Variants in TRPV6 observed in about 807,000 individuals in gnomAD.
The protein encoded by TRPV6 is transient receptor potential cation channel subfamily V member 6, also known as Alu-binding protein with zinc finger domain.
Under a neutral mutation model 79.0 loss-of-function variants are expected in TRPV6, and 39 were observed. The ratio of observed to expected loss-of-function variants is 0.49; its 90% CI spans 0.38 to 0.64. The LOEUF is 0.64. Among genes scored for constraint, TRPV6 ranks in the 30% least tolerant of loss-of-function variants. The probability of loss-of-function intolerance (pLI) is 0.00; values close to 1 mark genes in which losing one functional copy is unlikely to be tolerated. For synonymous variants in TRPV6, 373 were observed against 391.9 expected, an observed-to-expected ratio of 0.95 and a Z score of 0.57; for missense variants, 813 against 1,011.1, an observed-to-expected ratio of 0.80 and a Z score of 2.66.
In TRPV6 at chr7:142,872,003, G is replaced by C. The variant is rs1211560831; in HGVS notation, c.2016-14C>G. Reference sequence around the variant, plus strand: ...CTGTCTTCCACCCTGTGGAATGCGGGAGGACTTGAGACACAGCCAGGACTT... The same window carrying C: ...CTGTCTTCCACCCTGTGGAATGCGGCAGGACTTGAGACACAGCCAGGACTT... On this transcript the variant is annotated splice_polypyrimidine_tract_variant and intron_variant, in intron 14 of 14. Coordinates refer to ENST00000359396, the MANE Select transcript of TRPV6 (RefSeq NM_018646.6). 2 of 1,566,562 alleles carry C rather than the reference G, an allele frequency of 1.3e-6. No individual in the cohort carries two copies. Among genetic ancestry groups the C allele is most frequent in the Non-Finnish European group, 1.7e-6 (2 of 1,155,268 alleles).
chr7:142,875,957 G>A (rs1795058451), intron 6 of TRPV6, 53 bp from the exon 7 acceptor site: 3 of 1,528,602 alleles, frequency 2.0e-6, no homozygotes, highest in Non-Finnish European at 2.6e-6. Flanking sequence ...GACGGTCACA[G>A]AGTGTGGATA....
At chr7:142,876,211 T>G in intron 6 of TRPV6, 197 bp downstream of exon 6, 1 of 853,620 alleles carries the variant, frequency 1.2e-6, no homozygotes, top group Non-Finnish European at 1.8e-6. Context: ...CTAGACTCTG[T>G]AACCCCCAAT....
Position 142,875,838 on chromosome 7 carries a change from G to A in TRPV6, c.949C>T (p.Leu317Phe). The change falls in exon 7 of 15, where the codon CTC becomes TTC. Residue 317 changes from leucine (L) to phenylalanine (F), a missense_variant. By Grantham distance (22) the Leu-to-Phe change is conservative (BLOSUM62 0). This residue lies in a region of TRPV6 where 555 missense variants were observed against 631.0 expected (regional missense o/e 0.88). Transcript: ENST00000359396. ...GAGTCGATCTCTGTGAGGTCATAGA[G>A]AGTCGAGGTCAGTGGTCCATACGTC... 6.2e-7 allele frequency: 1 copy of A among 1,611,848 alleles called. No homozygotes were observed. The highest frequency in any genetic ancestry group is 8.5e-7 in the Non-Finnish European group (1 of 1,178,826).
chr7:142,873,762 C>A lies in TRPV6; in HGVS notation c.1640-46G>T, dbSNP rs745459519. On this transcript the variant is annotated intron_variant, in intron 12 of 14. Transcript: ENST00000359396. The surrounding 1 kb of genome is among the most constrained non-coding windows in gnomAD (Gnocchi z 4.8). ...AGGGTTACCATGGCAACCATGCAGACGACCAGCCCACCCCGGGCTCTGCGT... is the reference window on the plus strand; with the variant it reads ...AGGGTTACCATGGCAACCATGCAGAAGACCAGCCCACCCCGGGCTCTGCGT... The A allele has an allele frequency of 2.5e-6, 4 of 1,606,638 alleles. No homozygotes were observed. The highest frequency in any genetic ancestry group is 3.4e-6 in the Non-Finnish European group (4 of 1,174,430).
chr7:142,882,362 C>G lies in TRPV6; in HGVS notation c.248+3027G>C, dbSNP rs974211133. Reference sequence around the variant, plus strand: ...CATGCTTCAGAAAAGGAAACTGAAGCGGCATAACCAAATCATTGCCAGAAG... The same window carrying G: ...CATGCTTCAGAAAAGGAAACTGAAGGGGCATAACCAAATCATTGCCAGAAG... On this transcript the variant is annotated intron_variant, in intron 1 of 14. Transcript: ENST00000359396. 3.3e-5 allele frequency: 5 copies of G among 152,162 alleles called. No homozygotes were observed. The South Asian group carries it at 1.0e-3, about 32-fold the overall frequency. 9.4% of individuals were successfully genotyped at this position (152,162 alleles called of 1,614,324 possible).
intron 3 of TRPV6, 90 bp from the exon 4 acceptor site, chr7:142,877,369 G>T: frequency 5.1e-6 from 8 of 1,561,472 alleles, no homozygotes; most frequent in Non-Finnish European, 7.0e-6. Context: ...TTTCCCTCAG[G>T]GGTAGCCTGG....
At chr7:142,875,287 CA>C in intron 8 of TRPV6, 123 bp from the exon 9 acceptor site, 1 of 1,323,320 alleles carries the variant, frequency 7.6e-7, no homozygotes, top group Non-Finnish European at 1.1e-6. Flanking sequence ...TGGGTCTTCT[CA>C]AACTCTGCTC....
chr7:142,877,661 C>G lies in TRPV6; in HGVS notation c.459G>C (p.Glu153Asp). The change falls in exon 3 of 15, where the codon GAG (glutamate) becomes GAC (aspartate). Residue 153 changes from glutamate (E) to aspartate (D), a missense_variant. Physicochemically the swap from Glu to Asp is conservative, Grantham distance 45. Around this residue, in one of 3 missense-constraint regions of TRPV6, gnomAD observed 555 missense variants for 631.0 expected, o/e 0.88. Transcript: ENST00000359396. ...CCCGTGGGCCCTCACCCTCATAGAG[C>G]TCAGATGTCATGGGCTCAAAGACCA... 6.2e-7 allele frequency: 1 copy of G among 1,614,182 alleles called. No homozygotes were observed. The highest frequency in any genetic ancestry group is 1.1e-5 in the South Asian group (1 of 91,080).
In TRPV6 at chr7:142,876,774, T is replaced by C. The variant is rs777990793; in HGVS notation, c.671A>G (p.Glu224Gly). 7 of 1,613,966 alleles carry C rather than the reference T, an allele frequency of 4.3e-6. No homozygotes were observed. The South Asian group carries it at 5.5e-5, about 13-fold the overall frequency. Residue 224 changes from glutamate (E) to glycine (G), a missense_variant, in exon 5 of 15, where the codon GAG (glutamate) becomes GGG (glycine). Transcript: ENST00000359396. The stretch of plus-strand genomic sequence containing the variant: ...CTGGGCCCGGATGTCAGCTCCATGC[T>C]CAATGAGCAGCCGCACGATCTCCTC...
chr7:142,875,186 C>G (rs34229549), intron 8 of TRPV6, 22 bp from the exon 9 acceptor site: 124 of 1,613,452 alleles, frequency 7.7e-5, no homozygotes, highest in Non-Finnish European at 1.0e-4. Context: ...GAAGAACAGT[C>G]AAAATGCTCA....
rs1475544647 is a variant in TRPV6 at position 142,876,052 on chromosome 7, C to T, written c.883-148G>A. ...ACAGCCTTTAGAGGGCAGAAGAACC[C>T]ACATTCACAGTGACATTCATAGGTT... On this transcript the variant is annotated intron_variant, in intron 6 of 14. Coordinates refer to ENST00000359396, the MANE Select transcript of TRPV6 (RefSeq NM_018646.6). The T allele has an allele frequency of 1.1e-5, 9 of 847,360 alleles. No homozygotes were observed. The East Asian group carries it at 2.3e-4, about 22-fold the overall frequency. The allele number at this position is 847,360 out of a possible 1,614,324, so 52.5% of individuals were successfully genotyped here.
rs1443277154 is a variant in TRPV6, at chr7:142,874,663, G to C, written c.1407-7C>G. ...CATGAAGGCATAGGTGATGCTGGGGGAGCAGGGAGGAGGGTGATGAGGGGA... is the reference window on the plus strand; with the variant it reads ...CATGAAGGCATAGGTGATGCTGGGGCAGCAGGGAGGAGGGTGATGAGGGGA... On this transcript the variant is annotated splice_region_variant and splice_polypyrimidine_tract_variant and intron_variant, in intron 10 of 14. Transcript: ENST00000359396. 1 of 1,611,282 alleles carries C rather than the reference G, an allele frequency of 6.2e-7. No homozygotes were observed. Among genetic ancestry groups the C allele is most frequent in the Non-Finnish European group, 8.5e-7 (1 of 1,178,334 alleles).
At chr7:142,875,425 A>T in intron 8 of TRPV6, 43 bp downstream of exon 8, 3 of 1,519,454 alleles carry the variant, frequency 2.0e-6, no homozygotes, top group Non-Finnish European at 2.6e-6. Context: ...GAGGACAGAG[A>T]GCCAAGTCCT....
intron 1 of TRPV6, 148 bp from the exon 2 acceptor site, chr7:142,878,174 A>G: frequency 3.1e-6 from 2 of 651,314 alleles, no homozygotes; most frequent in Non-Finnish European, 5.5e-6. Context: ...AGGTGGGGCC[A>G]TTGATGTCTT....
In TRPV6 at chr7:142,873,617, A is replaced by T; in HGVS notation, c.1739T>A (p.Ile580Asn). The stretch of plus-strand genomic sequence containing the variant: ...GTTGTAGTTGGCTGGGCCATCGATG[A>T]TGGTAAGGAACAGCTCGAAGGTGCT... The change falls in exon 13 of 15, where the codon ATC becomes AAC. Residue 580 changes from isoleucine (I) to asparagine (N), a missense_variant. Around this residue, in one of 3 missense-constraint regions of TRPV6, gnomAD observed 94 missense variants for 194.0 expected, o/e 0.48. Coordinates refer to ENST00000359396, the MANE Select transcript of TRPV6 (RefSeq NM_018646.6). This position sits in a 1 kb window ranked among gnomAD's most constrained non-coding sequence, Gnocchi z 4.8. 6.2e-7 allele frequency: 1 copy of T among 1,614,174 alleles called. No individual in the cohort carries two copies. Among genetic ancestry groups the T allele is most frequent in the East Asian group, 2.2e-5 (1 of 44,880 alleles).
At position 142,873,763 on chromosome 7, in the gene TRPV6, G is replaced by A. The variant is rs769363478; in HGVS notation, c.1640-47C>T. 1.2e-6 allele frequency: 2 copies of A among 1,606,398 alleles called. No individual in the cohort carries two copies. Among genetic ancestry groups the A allele is most frequent in the Non-Finnish European group, 1.7e-6 (2 of 1,174,234 alleles). ...GGGTTACCATGGCAACCATGCAGAC[G>A]ACCAGCCCACCCCGGGCTCTGCGTG... On this transcript the variant is annotated intron_variant, in intron 12 of 14. Transcript: ENST00000359396. This position sits in a 1 kb window ranked among gnomAD's most constrained non-coding sequence, Gnocchi z 4.8.
At chr7:142,877,056 G>A (rs763256936) in intron 4 of TRPV6, 86 bp downstream of exon 4, 184 of 1,511,162 alleles carry the variant, frequency 1.2e-4, no homozygotes, top group Non-Finnish European at 1.5e-4. Flanking sequence ...AGATACGGCT[G>A]AAGACAGGAT....
intron 11 of TRPV6, 141 bp downstream of exon 11, chr7:142,874,346 GGATT>G: frequency 7.9e-7 from 1 of 1,267,404 alleles, no homozygotes; most frequent in South Asian, 1.4e-5. Flanking sequence ...TTTTTTAAAA[GGATT>G]GTTAAAAAAG....
intron 13 of TRPV6, 133 bp from the exon 14 acceptor site, chr7:142,872,611 A>T (rs1188338275): frequency 1.1e-6 from 1 of 889,396 alleles, no homozygotes; most frequent in Non-Finnish European, 1.8e-6. Context: ...TCTTTACCCA[A>T]TGACCCAACA....
Sources: gnomAD v4.1 joint callset for allele counts on GRCh38, gnomAD v4.1.1 for gene constraint, gnomAD v4.1.1 regional missense constraint, Gnocchi (gnomAD v3.1) non-coding constraint, MANE v1.5 for transcripts, NCBI Gene and HGNC (gene_info 2026-07-23, HGNC 2026-07-21) for gene names.